Variants in TPO observed in about 807,000 individuals in gnomAD.
The protein encoded by TPO is thyroid microsomal antigen.
A neutral mutation model predicts 96.9 loss-of-function variants in TPO; 78 were observed. That is an observed-to-expected ratio of 0.81 (90% CI 0.67 to 0.97). TPO has a LOEUF of 0.97. TPO is among the 50% of genes least tolerant of loss of function. The probability of loss-of-function intolerance (pLI) is 0.00; values close to 1 mark genes in which losing one functional copy is unlikely to be tolerated. For synonymous variants in TPO, 547 were observed against 538.0 expected, an observed-to-expected ratio of 1.02 and a Z score of -0.23; for missense variants, 1,252 against 1,274.8, an observed-to-expected ratio of 0.98 and a Z score of 0.27.
At chr2:1,400,492 T>C (rs1443935903) in intron 1 of TPO, among the ~76,000 whole-genome samples, 1 of 143,234 alleles carries the variant, frequency 7.0e-6, no homozygotes, top group African/African-American at 2.9e-5. Context: ...GATCGCACCA[T>C]TGCACTCCAG....
intron 12 of TPO, 134 bp from the exon 13 acceptor site, chr2:1,496,461 G>T: frequency 7.6e-7 from 1 of 1,307,648 alleles, no homozygotes; most frequent in South Asian, 1.3e-5. Context: ...GGTGCTCAGT[G>T]AGTGACCACA....
chr2:1,524,466 T>TCC (rs1675956367), intron 15 of TPO, among the ~76,000 whole-genome samples: 1 of 29,030 alleles, frequency 3.4e-5, no homozygotes, highest in African/African-American at 1.5e-4. Flanking sequence ...ACCCCCCAAA[T>TCC]CCCACCCACT....
rs10166929 is a variant in TPO at position 1,420,511 on chromosome 2, T to C, written c.95-2534T>C. The stretch of plus-strand genomic sequence containing the variant: ...GATCAAAATTTCATAAAGGAAGAGC[T>C]GGGAGCTTGAGATTGACAATTTCAT... On this transcript the variant is annotated intron_variant, in intron 2 of 16. Coordinates refer to ENST00000329066, the MANE Select transcript of TPO (RefSeq NM_001206744.2). Among the ~76,000 whole-genome samples, 963 of 152,232 alleles carry C rather than the reference T, an allele frequency of 6.3e-3. 13 individuals are homozygous for C. The highest frequency in any genetic ancestry group is 0.022 in the African/African-American group (925 of 41,538).
intron 15 of TPO, among the ~76,000 whole-genome samples, chr2:1,531,221 CGCCCCCACTGTGTGCAACCGCCTCATATT>C (rs1335272592): frequency 8.2e-5 from 9 of 110,132 alleles, no homozygotes; most frequent in African/African-American, 3.4e-4. Flanking sequence ...CACCCCAAAT[CGCCCCCACTGTGTGCAACCGCCTCATATT>C]CCCCCCACTG....
At chr2:1,475,960 G>A (rs1669888227) in intron 7 of TPO, among the ~76,000 whole-genome samples, 1 of 119,748 alleles carries the variant, frequency 8.4e-6, no homozygotes, top group African/African-American at 3.0e-5. Flanking sequence ...TCTTTCTGCT[G>A]CACCTCCTGT....
At chr2:1,428,652 T>C (rs1311509805) in intron 3 of TPO, among the ~76,000 whole-genome samples, 1 of 152,222 alleles carries the variant, frequency 6.6e-6, no homozygotes, top group Non-Finnish European at 1.5e-5. Context: ...GTGCAGGTGA[T>C]GTTCTAGGAA....
intron 1 of TPO, among the ~76,000 whole-genome samples, chr2:1,400,009 C>T (rs1023416608): frequency 2.0e-5 from 3 of 152,230 alleles, no homozygotes; most frequent in Non-Finnish European, 4.4e-5. Flanking sequence ...CCCCTGGGCT[C>T]TCTTCCCCTT....
At chr2:1,401,165 G>C (rs572152320) in intron 1 of TPO, among the ~76,000 whole-genome samples, 1 of 152,184 alleles carries the variant, frequency 6.6e-6, no homozygotes, top group Non-Finnish European at 1.5e-5. Flanking sequence ...TGTAGGCAGC[G>C]TGCACATCAC....
At chr2:1,522,066 G>C (rs1675329773) in intron 15 of TPO, among the ~76,000 whole-genome samples, 5 of 151,996 alleles carry the variant, frequency 3.3e-5, no homozygotes, top group Admixed American at 3.3e-4. Flanking sequence ...CCTGACCCCA[G>C]GCTGTCTACT....
intron 5 of TPO, among the ~76,000 whole-genome samples, chr2:1,449,040 C>T (rs1667087069): frequency 6.6e-6 from 1 of 152,208 alleles, no homozygotes; most frequent in South Asian, 2.1e-4. Flanking sequence ...CCATTCTGCA[C>T]TAAGCCTCTT....
intron 2 of TPO, among the ~76,000 whole-genome samples, chr2:1,422,395 G>GACTGACCTCGT (rs1163151839): frequency 1.2e-4 from 18 of 151,438 alleles, no homozygotes; most frequent in Admixed American, 2.6e-4. Flanking sequence ...CGCCGCGCTG[G>GACTGACCTCGT]GCCATGGGGA....
At chr2:1,489,645 C>T (rs913947673) in intron 10 of TPO, among the ~76,000 whole-genome samples, 3 of 106,714 alleles carry the variant, frequency 2.8e-5, no homozygotes, top group Non-Finnish European at 6.0e-5. Flanking sequence ...CTTAGGGAAC[C>T]CTCACTGAAT....
chr2:1,518,273 C>T (rs1324597565), intron 15 of TPO, among the ~76,000 whole-genome samples: 5 of 152,234 alleles, frequency 3.3e-5, no homozygotes, highest in Non-Finnish European at 7.3e-5. Context: ...GCCCCTTGAA[C>T]AGGAAATCTT....
chr2:1,428,307 T>G (rs531710151), intron 3 of TPO, among the ~76,000 whole-genome samples: 4,265 of 152,240 alleles, frequency 0.028, 111 homozygotes, highest in South Asian at 0.13. Flanking sequence ...CTGTGGCTTG[T>G]GGGGTGGTTG....
chr2:1,423,146 GGCC>G lies in TPO; in HGVS notation c.179+24_179+26del. Reference sequence around the variant, plus strand: ...GATGCAGAGGTGAGCCTTGCGGAGGGGCCGCCGCCCCAAATGCCACCGACAGGC... The same window carrying G: ...GATGCAGAGGTGAGCCTTGCGGAGGGGCCGCCCCAAATGCCACCGACAGGC... On this transcript the variant is annotated intron_variant, in intron 3 of 16. Transcript: ENST00000329066. The G allele has an allele frequency of 6.2e-7, 1 of 1,612,136 alleles. No individual in the cohort carries two copies. The highest frequency in any genetic ancestry group is 8.5e-7 in the Non-Finnish European group (1 of 1,179,730).
At chr2:1,410,586 G>T (rs1445714449), upstream of TPO, among the ~76,000 whole-genome samples, 1 of 152,106 alleles carries the variant, frequency 6.6e-6, no homozygotes, top group African/African-American at 2.4e-5. Flanking sequence ...ATTGATCAAG[G>T]TATTCAGTAA....
intron 1 of TPO, among the ~76,000 whole-genome samples, chr2:1,376,184 C>T (rs1661719368): frequency 6.6e-6 from 1 of 152,134 alleles, no homozygotes; most frequent in East Asian, 1.9e-4. Context: ...TAAAACCCGC[C>T]ATCACTGCAC....
At chr2:1,470,154 C>A (rs1049054971) in intron 7 of TPO, among the ~76,000 whole-genome samples, 5 of 152,126 alleles carry the variant, frequency 3.3e-5, no homozygotes, top group Non-Finnish European at 7.4e-5. Context: ...AGAAGAAAAT[C>A]TTGAATTTTA....
At chr2:1,454,404 T>C (rs540061788) in intron 6 of TPO, among the ~76,000 whole-genome samples, 35 of 152,268 alleles carry the variant, frequency 2.3e-4, no homozygotes, top group African/African-American at 7.7e-4. Context: ...AGAGCGCAGG[T>C]GGTGGGACTC....
Sources: allele counts gnomAD v4.1 joint callset (sites outside exome capture counted in the v4.1 genomes callset), GRCh38; gene constraint gnomAD v4.1.1; transcripts MANE v1.5; gene names NCBI Gene and HGNC (gene_info 2026-07-23, HGNC 2026-07-21).